The following UBAP2 variants were observed in gnomAD, a reference collection of about 807,000 sequenced individuals.
UBAP2 encodes the protein ubiquitin associated protein 2.
In UBAP2, 75 loss-of-function variants were observed where a neutral mutation model predicts 139.6. That is an observed-to-expected ratio of 0.54 (90% confidence interval 0.45 to 0.65). The LOEUF (loss-of-function observed/expected upper bound fraction) is 0.65. Ranked by LOEUF, UBAP2 falls within the 30% of genes least tolerant of loss-of-function variation. The probability of loss-of-function intolerance (pLI) is 0.00; values close to 1 mark genes in which losing one functional copy is unlikely to be tolerated. For missense variants in UBAP2, 1,368 were observed against 1,369.6 expected, an observed-to-expected ratio of 1.00 and a Z score of 0.02; for synonymous variants, 526 against 526.2, an observed-to-expected ratio of 1.00 and a Z score of 0.01.
intron 2 of UBAP2, among the ~76,000 whole-genome samples, chr9:34,010,947 T>C (rs1322132544): frequency 6.6e-6 from 1 of 151,940 alleles, no homozygotes; most frequent in Non-Finnish European, 1.5e-5. Flanking sequence ...GGAAAAAGTA[T>C]GAAAAAGTAA....
intron 12 of UBAP2, among the ~76,000 whole-genome samples, chr9:33,952,606 T>C (rs1359999978): frequency 1.3e-5 from 2 of 152,174 alleles, no homozygotes; most frequent in African/African-American, 2.4e-5. Context: ...TGATAAACTT[T>C]CGCATTTAAT....
intron 8 of UBAP2, among the ~76,000 whole-genome samples, chr9:33,968,771 C>CCT (rs1827670286): frequency 6.6e-6 from 1 of 152,118 alleles, no homozygotes; most frequent in Admixed American, 6.6e-5. Context: ...GCAATCATCA[C>CCT]CTCTAATTCT....
intron 1 of UBAP2, among the ~76,000 whole-genome samples, chr9:34,027,610 C>T (rs1049517340): frequency 6.6e-6 from 1 of 151,968 alleles, no homozygotes; most frequent in African/African-American, 2.4e-5. Context: ...GTAATCCCAG[C>T]ACTCTGGGAG....
chr9:34,017,135 A>T lies in UBAP2; in HGVS notation c.14T>A (p.Val5Glu). The T allele has an allele frequency of 1.2e-6, 2 of 1,606,468 alleles. No individual in the cohort carries two copies. The highest frequency in any genetic ancestry group is 1.7e-6 in the Non-Finnish European group (2 of 1,177,992). MMTS[V>E]SSDHCRGARE... ...AGCACCTCGACAATGGTCACTGCTCACTGAAGTCATCATATACAGTATATA... is the reference window on the plus strand; with the variant it reads ...AGCACCTCGACAATGGTCACTGCTCTCTGAAGTCATCATATACAGTATATA... The change falls in exon 2 of 29, where the codon GTG becomes GAG. Residue 5 changes from valine (V) to glutamate (E), a missense_variant. Coordinates refer to ENST00000379238, the MANE Select transcript of UBAP2 (RefSeq NM_001370062.2).
At chr9:33,932,488 G>A in intron 19 of UBAP2, 74 bp downstream of exon 19, 5 of 1,553,330 alleles carry the variant, frequency 3.2e-6, no homozygotes, top group Non-Finnish European at 3.5e-6. Flanking sequence ...TCAGACTGAA[G>A]CCCCAGCTGC....
intron 1 of UBAP2, among the ~76,000 whole-genome samples, chr9:34,034,751 T>C (rs1826179354): frequency 6.6e-6 from 1 of 152,056 alleles, no homozygotes; most frequent in Non-Finnish European, 1.5e-5. Flanking sequence ...CATGAGCCTA[T>C]AGTCCCAGCT....
At chr9:33,924,946 T>C (rs1823291691) in intron 22 of UBAP2, among the ~76,000 whole-genome samples, 1 of 152,254 alleles carries the variant, frequency 6.6e-6, no homozygotes, top group Non-Finnish European at 1.5e-5. Flanking sequence ...GTGTATTTTA[T>C]GTGTGGCCCA....
chr9:33,976,267 A>G (rs1828337918), intron 6 of UBAP2, among the ~76,000 whole-genome samples: 1 of 152,264 alleles, frequency 6.6e-6, no homozygotes. Flanking sequence ...GAACTGAAAA[A>G]AAAATGCAGT....
chr9:34,018,534 A>G (rs974298555), intron 1 of UBAP2, among the ~76,000 whole-genome samples: 8 of 152,160 alleles, frequency 5.3e-5, no homozygotes, highest in African/African-American at 1.9e-4. Context: ...ATCTCAAAGC[A>G]GAGTCTCAAA....
intron 6 of UBAP2, among the ~76,000 whole-genome samples, chr9:33,980,220 CTTTTTTTTTTTT>C (rs1173781682): frequency 3.1e-4 from 15 of 49,132 alleles, no homozygotes; most frequent in South Asian, 1.0e-3. Flanking sequence ...AGTGTCATTT[CTTTTTTTTTTTT>C]TTTTTTTTTT....
At chr9:33,925,628 T>C (rs908567116) in intron 22 of UBAP2, among the ~76,000 whole-genome samples, 4 of 152,036 alleles carry the variant, frequency 2.6e-5, no homozygotes, top group African/African-American at 4.8e-5. Flanking sequence ...GTTTGCACAG[T>C]GGGGAGAAGC....
chr9:34,014,177 G>T (rs1480791336), intron 2 of UBAP2, among the ~76,000 whole-genome samples: 7 of 151,254 alleles, frequency 4.6e-5, no homozygotes, highest in Admixed American at 2.6e-4. Flanking sequence ...ATGCAAAAAA[G>T]TTAGCCGGGC....
At chr9:34,026,232 C>T (rs1420499003) in intron 1 of UBAP2, among the ~76,000 whole-genome samples, 1 of 152,152 alleles carries the variant, frequency 6.6e-6, no homozygotes, top group Admixed American at 6.6e-5. Context: ...AAACTACATA[C>T]TTACACTGCA....
At chr9:33,964,379 T>C (rs1465548982) in intron 8 of UBAP2, among the ~76,000 whole-genome samples, 1 of 152,114 alleles carries the variant, frequency 6.6e-6, no homozygotes. Context: ...ATCTGCTACT[T>C]TAAATAATAA....
chr9:33,968,048 T>C (rs540420405), intron 8 of UBAP2: 27 of 431,106 alleles, frequency 6.3e-5, no homozygotes, highest in African/African-American at 4.3e-4. Context: ...CCAGTATCCA[T>C]TGATTTCTTC....
In UBAP2 at chr9:33,941,730, A is replaced by G; in HGVS notation, c.1848T>C (p.Ser616=). ...TGTTATGCACAGAACTCTGGTCATAAGAGGAAGACATTGCTACTGGACTAG... is the reference window on the plus strand; with the variant it reads ...TGTTATGCACAGAACTCTGGTCATAGGAGGAAGACATTGCTACTGGACTAG... The part of the protein sequence containing the change: ...NSASPVAMSS[S]YDQSSVHNRI... Residue 616 remains serine (S), a synonymous_variant, in exon 16 of 29, where the codon TCT becomes TCC. Coordinates refer to ENST00000379238, the MANE Select transcript of UBAP2 (RefSeq NM_001370062.2). 6.2e-7 allele frequency: 1 copy of G among 1,614,186 alleles called. No individual in the cohort carries two copies. Among genetic ancestry groups the G allele is most frequent in the South Asian group, 1.1e-5 (1 of 91,084 alleles).
intron 13 of UBAP2, among the ~76,000 whole-genome samples, chr9:33,947,958 C>T (rs967914057): frequency 3.6e-5 from 5 of 140,020 alleles, no homozygotes; most frequent in African/African-American, 8.1e-5. Context: ...GATCAGCCTA[C>T]GCAGCACAGG....
chr9:33,955,717 C>T (rs7865633), intron 11 of UBAP2, among the ~76,000 whole-genome samples: 60,054 of 150,756 alleles, frequency 0.4, 12,264 homozygotes, highest in South Asian at 0.48. Context: ...TCCCAGCTAC[C>T]TGGGAGGCTT....
At chr9:34,016,356 A>AGCGGCGGCGGCGGCGGCGGCGGCG (rs1363310950) in intron 2 of UBAP2, among the ~76,000 whole-genome samples, 4 of 20,008 alleles carry the variant, frequency 2.0e-4, no homozygotes, top group African/African-American at 9.4e-4. Flanking sequence ...AGGAGGCAGC[A>AGCGGCGGCGGCGGCGGCGGCGGCG]GCGGCGGCAG....
Sources: allele counts gnomAD v4.1 joint callset (sites outside exome capture counted in the v4.1 genomes callset), GRCh38; gene constraint gnomAD v4.1.1; transcripts MANE v1.5; gene names NCBI Gene and HGNC (gene_info 2026-07-23, HGNC 2026-07-21).